The following TBL1Y variants were observed in gnomAD, a reference collection of about 807,000 sequenced individuals.
The protein encoded by TBL1Y is F-box-like/WD repeat-containing protein TBL1Y.
Under a neutral mutation model 12.0 loss-of-function variants are expected in TBL1Y, and 15 were observed. That is an observed-to-expected ratio of 1.25 (90% CI 0.83 to 1.92). The LOEUF is 1.92. Among genes scored for constraint, TBL1Y ranks in the 40% most tolerant of loss-of-function variants. The probability of loss-of-function intolerance (pLI) is 0.00; values close to 1 mark genes in which losing one functional copy is unlikely to be tolerated. For synonymous variants in TBL1Y, 53 were observed against 42.6 expected (o/e 1.24, Z -0.95); for missense variants, 148 against 116.7 (o/e 1.27, Z -1.24).
At chrY:6,945,217 TCTC>T (rs2011977392) in intron 2 of TBL1Y, among the ~76,000 whole-genome samples, 1 of 22,382 alleles carries the variant, frequency 4.5e-5, no homozygotes. Flanking sequence ...TCCACTTTCT[TCTC>T]CTCTTCTCTC....
intron 2 of TBL1Y, among the ~76,000 whole-genome samples, chrY:6,970,009 G>A (rs937973418): frequency 3.1e-5 from 1 of 32,498 alleles, no homozygotes; most frequent in Non-Finnish European, 7.5e-5. Flanking sequence ...ATTCCTGGCC[G>A]TCAGTGTTTG....
chrY:7,070,111 A>G, intron 8 of TBL1Y, 85 bp from the exon 9 acceptor site: 1 of 287,504 alleles, frequency 3.5e-6, no homozygotes, highest in Non-Finnish European at 5.4e-6. Context: ...CGTAAAAACA[A>G]GGTGTTTCTG....
At chrY:7,044,381 G>A (rs2012746819) in intron 7 of TBL1Y, among the ~76,000 whole-genome samples, 1 of 32,160 alleles carries the variant, frequency 3.1e-5, no homozygotes, top group African/African-American at 1.2e-4. Context: ...CCTGCAGTCC[G>A]TGTTATTGAT....
intron 4 of TBL1Y, among the ~76,000 whole-genome samples, chrY:7,001,005 G>T (rs2012446252): frequency 3.0e-5 from 1 of 33,388 alleles, no homozygotes; most frequent in Non-Finnish European, 7.4e-5. Flanking sequence ...TAGCACCATT[G>T]CCTATGTCCT....
chrY:6,996,100 C>T, intron 4 of TBL1Y, among the ~76,000 whole-genome samples: 2 of 32,447 alleles, frequency 6.2e-5, no homozygotes, highest in African/African-American at 1.2e-4. Context: ...GTTGGCTGAG[C>T]GCTGCTGGCC....
At chrY:6,914,694 AAAAC>A (rs2011722952) in intron 2 of TBL1Y, among the ~76,000 whole-genome samples, 2 of 32,593 alleles carry the variant, frequency 6.1e-5, no homozygotes, top group Admixed American at 2.9e-4. Context: ...ACTCTGTCTC[AAAAC>A]AAACAAACAA....
At chrY:6,967,956 G>A in intron 2 of TBL1Y, among the ~76,000 whole-genome samples, 1 of 33,362 alleles carries the variant, frequency 3.0e-5, no homozygotes. Flanking sequence ...AGTCATAGAG[G>A]CTTGAAGTCC....
chrY:6,926,661 A>G (rs2124096648), intron 2 of TBL1Y, among the ~76,000 whole-genome samples: 1 of 33,865 alleles, frequency 3.0e-5, no homozygotes, highest in South Asian at 6.6e-4. Context: ...GCTGCAGTGC[A>G]GTGTGTAATC....
At chrY:6,966,663 A>G in intron 2 of TBL1Y, among the ~76,000 whole-genome samples, 1 of 33,178 alleles carries the variant, frequency 3.0e-5, no homozygotes, top group South Asian at 6.9e-4. Context: ...AGTGAGAGAG[A>G]GATGACATAC....
chrY:7,028,556 C>T, intron 6 of TBL1Y, among the ~76,000 whole-genome samples: 1 of 34,487 alleles, frequency 2.9e-5, no homozygotes, highest in African/African-American at 1.1e-4. Flanking sequence ...AGAAGCACTC[C>T]GTGGATGTTA....
chrY:6,915,061 G>T, intron 2 of TBL1Y, among the ~76,000 whole-genome samples: 1 of 33,287 alleles, frequency 3.0e-5, no homozygotes, highest in Non-Finnish European at 7.4e-5. Context: ...CAGTCCCCAT[G>T]TTGCCAACCT....
At chrY:7,067,434 T>G (rs2012994257) in intron 8 of TBL1Y, among the ~76,000 whole-genome samples, 1 of 33,349 alleles carries the variant, frequency 3.0e-5, no homozygotes, top group African/African-American at 1.2e-4. Context: ...CAGTGTAGCC[T>G]GGGTGACACA....
At chrY:7,033,001 A>G (rs2012664340) in intron 6 of TBL1Y, among the ~76,000 whole-genome samples, 1 of 33,883 alleles carries the variant, frequency 3.0e-5, no homozygotes, top group African/African-American at 1.2e-4. Context: ...ACTGATAGAA[A>G]GAGAGACATA....
At chrY:7,013,366 T>C (rs2012530767) in intron 4 of TBL1Y, among the ~76,000 whole-genome samples, 2 of 33,462 alleles carry the variant, frequency 6.0e-5, no homozygotes, top group African/African-American at 2.3e-4. Context: ...TTTAAATATT[T>C]AGCCAGTTGG....
chrY:7,009,246 G>A, intron 4 of TBL1Y, among the ~76,000 whole-genome samples: 1 of 34,036 alleles, frequency 2.9e-5, no homozygotes, highest in Non-Finnish European at 7.3e-5. Flanking sequence ...TAGGCCTGAT[G>A]TAAGGTTCCA....
chrY:7,074,425 G>C lies in TBL1Y; in HGVS notation c.895-135G>C, dbSNP rs753885546. The C allele has an allele frequency of 4.5e-5, 7 of 155,036 alleles. No individual in the cohort carries two copies. In the Admixed American group the frequency reaches 8.0e-4, roughly 18 times the overall value. The allele number at this position is 155,036 out of a possible 400,897, so 38.7% of individuals were successfully genotyped here. ...TAGAGAATTAAAATTAACCCATGAGGCTTGCTTTCTATCTGTATTGGACAG... is the reference window on the plus strand; with the variant it reads ...TAGAGAATTAAAATTAACCCATGAGCCTTGCTTTCTATCTGTATTGGACAG... On this transcript the variant is annotated intron_variant, in intron 12 of 18. Coordinates refer to ENST00000383032, the MANE Select transcript of TBL1Y (RefSeq NM_033284.2).
At chrY:7,004,759 G>C in intron 4 of TBL1Y, among the ~76,000 whole-genome samples, 1 of 33,382 alleles carries the variant, frequency 3.0e-5, no homozygotes, top group Non-Finnish European at 7.4e-5. Flanking sequence ...TGCTGGATCA[G>C]ATGGTAATTC....
intron 8 of TBL1Y, 130 bp downstream of exon 8, chrY:7,064,279 T>C: frequency 9.4e-6 from 2 of 212,730 alleles, no homozygotes; most frequent in South Asian, 4.7e-5. Flanking sequence ...CTCTTTATTG[T>C]TTGCTTTCAA....
At chrY:6,980,836 A>G in intron 3 of TBL1Y, among the ~76,000 whole-genome samples, 2 of 33,660 alleles carry the variant, frequency 5.9e-5, no homozygotes, top group Non-Finnish European at 7.3e-5. Flanking sequence ...TAGTCGTTGT[A>G]TTTGTGCTGT....
Sources: gnomAD v4.1 joint callset for allele counts (sites outside exome capture counted in the v4.1 genomes callset) on GRCh38, gnomAD v4.1.1 for gene constraint, MANE v1.5 for transcripts, NCBI Gene and HGNC (gene_info 2026-07-23, HGNC 2026-07-21) for gene names.